COPS2: variants seen among roughly 807,000 people sequenced by gnomAD.
The protein encoded by COPS2 is COP9 signalosome subunit 2.
A neutral mutation model predicts 66.1 loss-of-function variants in COPS2; 10 were observed. The observed-to-expected ratio is 0.15, with a 90% confidence interval of 0.09 to 0.26. The LOEUF (loss-of-function observed/expected upper bound fraction) is 0.26, where lower values mean the gene tolerates loss of function less well. COPS2 is among the 10% of genes least tolerant of loss of function. The pLI is 1.00. For synonymous variants in COPS2, 179 were observed against 171.3 expected, an observed-to-expected ratio of 1.04 and a Z score of -0.35; for missense variants, 215 against 513.3, an observed-to-expected ratio of 0.42 and a Z score of 5.62.
chr15:49,152,593 G>T (rs2084370521), intron 1 of COPS2, among the ~76,000 whole-genome samples: 1 of 152,146 alleles, frequency 6.6e-6, no homozygotes, highest in South Asian at 2.1e-4. Context: ...AGGCTGAGGA[G>T]GGCAGATCAC....
rs991617076 is a variant in COPS2, at chr15:49,125,380, A to C, written c.*2570T>G. On this transcript the variant is annotated 3_prime_UTR_variant, in exon 13 of 13. Transcript: ENST00000388901. ...AGAGAGCATCTACTTGTGGCAGCCA[A>C]AGATTTCTTTGCAGTAACTTTTAGC... 1 of 152,174 alleles carries C rather than the reference A, an allele frequency of 6.6e-6. No homozygotes were observed. The highest frequency in any genetic ancestry group is 6.5e-5 in the Admixed American group (1 of 15,274). The allele number at this position is 152,174 out of a possible 1,614,324, so 9.4% of individuals were successfully genotyped here. A position where few individuals can be genotyped will look rare whatever the true frequency, so the allele number is the denominator to read the frequency against.
At chr15:49,132,233 A>G (rs2084215205) in intron 9 of COPS2, among the ~76,000 whole-genome samples, 2 of 152,194 alleles carry the variant, frequency 1.3e-5, no homozygotes, top group African/African-American at 4.8e-5. Flanking sequence ...TCCTTTAATA[A>G]TGAAAAGCAA....
intron 1 of COPS2, among the ~76,000 whole-genome samples, chr15:49,150,489 CGA>C (rs2084352700): frequency 6.6e-6 from 1 of 151,952 alleles, no homozygotes; most frequent in Non-Finnish European, 1.5e-5. Flanking sequence ...ATGACAAATA[CGA>C]GAGTCTGTAA....
intron 1 of COPS2, among the ~76,000 whole-genome samples, chr15:49,154,421 C>T (rs2084393474): frequency 6.6e-6 from 1 of 152,124 alleles, no homozygotes; most frequent in Admixed American, 6.5e-5. Context: ...CTCCCTTTTG[C>T]AAAGTGTGCC....
At chr15:49,149,112 C>T (rs2084341034) in intron 1 of COPS2, among the ~76,000 whole-genome samples, 1 of 152,054 alleles carries the variant, frequency 6.6e-6, no homozygotes, top group Non-Finnish European at 1.5e-5. Context: ...TTTACAAGAA[C>T]AGTTGTAAAA....
Position 49,127,356 on chromosome 15 carries a change from A to G in COPS2, c.*594T>C, listed in dbSNP as rs2084175428. On this transcript the variant is annotated 3_prime_UTR_variant, in exon 13 of 13. Coordinates refer to ENST00000388901, the MANE Select transcript of COPS2 (RefSeq NM_004236.4). ...ATCAAGAACCAAACTACAATTTCTGAGCTGCACTGTTTATTTTGCTGCTTG... is the reference window on the plus strand; with the variant it reads ...ATCAAGAACCAAACTACAATTTCTGGGCTGCACTGTTTATTTTGCTGCTTG... 6.5e-6 allele frequency: 1 copy of G among 152,672 alleles called. No homozygotes were observed. The highest frequency in any genetic ancestry group is 1.5e-5 in the Non-Finnish European group (1 of 68,046). The allele number at this position is 152,672 out of a possible 1,614,324, so 9.5% of individuals were successfully genotyped here.
At chr15:49,145,706 G>A (rs747488298) in intron 1 of COPS2, among the ~76,000 whole-genome samples, 46 of 152,188 alleles carry the variant, frequency 3.0e-4, no homozygotes, top group Non-Finnish European at 6.3e-4. Flanking sequence ...ATAATTTTAT[G>A]AGACTTTCTA....
rs146176313 is a variant in COPS2 at position 49,147,787 on chromosome 15, G to A, written c.55-2709C>T. Among the ~76,000 whole-genome samples, 87 of 148,448 alleles carry A rather than the reference G, an allele frequency of 5.9e-4. 3 individuals carry two copies. The East Asian group carries it at 0.013, about 23-fold the overall frequency. On this transcript the variant is annotated intron_variant, in intron 1 of 12. Transcript: ENST00000388901. ...GAAAAGATTTGATTCAGCCCTCTTC[G>A]TTTTGTGACTACATTCTTTTGGTTT...
chr15:49,150,277 A>T (rs59775902), intron 1 of COPS2, among the ~76,000 whole-genome samples: 17,042 of 150,920 alleles, frequency 0.11, 1,151 homozygotes, highest in East Asian at 0.21. Context: ...TAAAAATAAA[A>T]AAATAAATAA....
chr15:49,141,545 A>G (rs1014226607), intron 3 of COPS2, among the ~76,000 whole-genome samples: 1 of 152,158 alleles, frequency 6.6e-6, no homozygotes, highest in Non-Finnish European at 1.5e-5. Flanking sequence ...ATCTCATGTT[A>G]TAATAATTTA....
chr15:49,127,854 C>A lies in COPS2; in HGVS notation c.*96G>T. 8.0e-7 allele frequency: 1 copy of A among 1,254,982 alleles called. No homozygotes were observed. Among genetic ancestry groups the A allele is most frequent in the Non-Finnish European group, 1.1e-6 (1 of 906,382 alleles). The allele number at this position is 1,254,982 out of a possible 1,614,324, so 77.7% of individuals were successfully genotyped here. The stretch of plus-strand genomic sequence containing the variant: ...GCCATAACTCCAATAATTTTCAGGA[C>A]ACATCAACCGACAGTAGTTTTGCCA... On this transcript the variant is annotated 3_prime_UTR_variant, in exon 13 of 13. Coordinates refer to ENST00000388901, the MANE Select transcript of COPS2 (RefSeq NM_004236.4).
intron 10 of COPS2, 142 bp downstream of exon 10, chr15:49,130,577 T>G (rs577281428): frequency 6.7e-6 from 3 of 448,044 alleles, no homozygotes; most frequent in African/African-American, 6.0e-5. Context: ...GAATATCCCA[T>G]CCAATGACAG....
At chr15:49,147,893 T>A (rs894699976) in intron 1 of COPS2, among the ~76,000 whole-genome samples, 6 of 152,330 alleles carry the variant, frequency 3.9e-5, no homozygotes, top group East Asian at 1.9e-4. Flanking sequence ...ATGTTATTGC[T>A]AAAATATATA....
rs2084145335 is a variant in COPS2, at chr15:49,124,164, G to T, written c.*3786C>A. The T allele has an allele frequency of 6.6e-6, 1 of 152,136 alleles. No homozygotes were observed. Among genetic ancestry groups the T allele is most frequent in the Admixed American group, 6.5e-5 (1 of 15,268 alleles). The allele number at this position is 152,136 out of a possible 1,614,324, so 9.4% of individuals were successfully genotyped here. A position where few individuals can be genotyped will look rare whatever the true frequency, so the allele number is the denominator to read the frequency against. On this transcript the variant is annotated 3_prime_UTR_variant, in exon 13 of 13. Coordinates refer to ENST00000388901, the MANE Select transcript of COPS2 (RefSeq NM_004236.4). ...AAAGCGGTGGATCGCCTGAGGTCAG[G>T]AGTTTGAGACCAGCCTGGCCAACAT...
At chr15:49,136,459 C>T (rs1433981721) in intron 6 of COPS2, among the ~76,000 whole-genome samples, 3 of 152,178 alleles carry the variant, frequency 2.0e-5, no homozygotes, top group African/African-American at 4.8e-5. Flanking sequence ...GATAGCTACA[C>T]ATAGCTGGTG....
chr15:49,151,944 T>G (rs2084364888), intron 1 of COPS2, among the ~76,000 whole-genome samples: 1 of 151,982 alleles, frequency 6.6e-6, no homozygotes, highest in Non-Finnish European at 1.5e-5. Flanking sequence ...AACTACCTAT[T>G]TCTACCAGAT....
intron 1 of COPS2, among the ~76,000 whole-genome samples, chr15:49,152,233 T>C (rs1027999572): frequency 1.3e-5 from 2 of 150,774 alleles, no homozygotes; most frequent in African/African-American, 2.4e-5. Flanking sequence ...AAAAACTCTT[T>C]TGGCAAAAGG....
chr15:49,125,944 T>G lies in COPS2; in HGVS notation c.*2006A>C, dbSNP rs2084162503. 6.6e-6 allele frequency: 1 copy of G among 152,154 alleles called. No individual in the cohort carries two copies. The highest frequency in any genetic ancestry group is 2.4e-5 in the African/African-American group (1 of 41,444). 9.4% of individuals were successfully genotyped at this position (152,154 alleles called of 1,614,324 possible). ...GAGGATAAAGGTTAAATCATTTCATTCAAATCTTTGAATTCTAATTCCATC... is the reference window on the plus strand; with the variant it reads ...GAGGATAAAGGTTAAATCATTTCATGCAAATCTTTGAATTCTAATTCCATC... On this transcript the variant is annotated 3_prime_UTR_variant, in exon 13 of 13. Transcript: ENST00000388901.
intron 6 of COPS2, among the ~76,000 whole-genome samples, chr15:49,135,631 A>G (rs1041845747): frequency 1.3e-5 from 2 of 152,232 alleles, no homozygotes; most frequent in Non-Finnish European, 2.9e-5. Context: ...CATGAAAAAT[A>G]GCAATATGAT....
Sources: gnomAD v4.1 joint callset for allele counts (sites outside exome capture counted in the v4.1 genomes callset) on GRCh38, gnomAD v4.1.1 for gene constraint, MANE v1.5 for transcripts, NCBI Gene and HGNC (gene_info 2026-07-23, HGNC 2026-07-21) for gene names.